The following ARNT2 variants were observed in gnomAD, a reference collection of about 807,000 sequenced individuals.
ARNT2 encodes aryl hydrocarbon receptor nuclear translocator 2.
A neutral mutation model predicts 91.7 loss-of-function variants in ARNT2; 36 were observed. The ratio of observed to expected loss-of-function variants is 0.39; its 90% CI spans 0.30 to 0.52. The LOEUF (loss-of-function observed/expected upper bound fraction) is 0.52. ARNT2 is among the 20% of genes least tolerant of loss of function. The probability of loss-of-function intolerance (pLI) is 0.72; values close to 1 mark genes in which losing one functional copy is unlikely to be tolerated. For synonymous variants in ARNT2, 365 were observed against 347.1 expected (o/e 1.05, Z -0.57); for missense variants, 775 against 939.3 (o/e 0.83, Z 2.29).
chr15:80,496,424 T>A (rs897075184), intron 5 of ARNT2, among the ~76,000 whole-genome samples: 4 of 152,222 alleles, frequency 2.6e-5, no homozygotes, highest in Non-Finnish European at 5.9e-5. Context: ...CTGCACTTGG[T>A]CACTGCTGTG....
rs539564962 is a variant in ARNT2 at position 80,554,458 on chromosome 15, G to T, written c.1090-607G>T. On this transcript the variant is annotated intron_variant, in intron 10 of 18. Transcript: ENST00000303329. ...ATTTTAAAAAATACACTTTTAACTGGACCACTTTACTACAACACTTTTGAA... is the reference window on the plus strand; with the variant it reads ...ATTTTAAAAAATACACTTTTAACTGTACCACTTTACTACAACACTTTTGAA... Among the ~76,000 whole-genome samples the T allele has an allele frequency of 1.7e-4, 26 of 152,172 alleles. No homozygotes were observed. In the East Asian group the frequency reaches 4.8e-3, roughly 28 times the overall value.
At chr15:80,507,120 A>G (rs28397660) in intron 5 of ARNT2, among the ~76,000 whole-genome samples, 77,137 of 151,974 alleles carry the variant, frequency 0.51, 21,067 homozygotes, top group African/African-American at 0.69. Context: ...GCCAGAGAAG[A>G]TCTTTTGCTT....
chr15:80,478,111 A>G (rs868191453), intron 5 of ARNT2, among the ~76,000 whole-genome samples: 4 of 152,344 alleles, frequency 2.6e-5, no homozygotes, highest in Middle Eastern at 3.4e-3. Context: ...CACACCTTAT[A>G]AAGTTAAATA....
chr15:80,443,117 G>A (rs1415274711), intron 1 of ARNT2: 3 of 783,436 alleles, frequency 3.8e-6, no homozygotes, highest in Non-Finnish European at 4.6e-6. Flanking sequence ...TGATATTTGA[G>A]CAAAATCTAA....
rs749930677 is a variant in ARNT2 at position 80,591,680 on chromosome 15, G to A, written c.2031G>A (p.Gln677=). 1.1e-5 allele frequency: 18 copies of A among 1,613,972 alleles called. No individual in the cohort carries two copies. In the East Asian group the frequency reaches 3.6e-4, roughly 32 times the overall value. ...QQSGEQHSHQ[Q]PGQTEVFQDM... is the part of the protein sequence containing the mutation. Reference sequence around the variant, plus strand: ...GCGGTGAGCAGCACTCCCACCAGCAGCCCGGTCAGACTGAAGTGTTCCAGG... The same window carrying A: ...GCGGTGAGCAGCACTCCCACCAGCAACCCGGTCAGACTGAAGTGTTCCAGG... Residue 677 remains glutamine (Q), a synonymous_variant, in exon 18 of 19, where the codon CAG becomes CAA. Coordinates refer to ENST00000303329, the MANE Select transcript of ARNT2 (RefSeq NM_014862.4). The surrounding 1 kb of genome is among the most constrained non-coding windows in gnomAD (Gnocchi z 5.1).
chr15:80,547,164 TCTCATAATAA>T (rs1288348442), intron 8 of ARNT2, among the ~76,000 whole-genome samples: 2 of 152,122 alleles, frequency 1.3e-5, no homozygotes, highest in Non-Finnish European at 2.9e-5. Flanking sequence ...TTAAAACTAT[TCTCATAATAA>T]CACTGAGATG....
chr15:80,494,143 T>G (rs1429655038), intron 5 of ARNT2, among the ~76,000 whole-genome samples: 3 of 152,186 alleles, frequency 2.0e-5, no homozygotes, highest in Non-Finnish European at 4.4e-5. Context: ...CAACACAAAA[T>G]GAACTAAGAC....
At chr15:80,493,420 C>T (rs1027207405) in intron 5 of ARNT2, among the ~76,000 whole-genome samples, 12 of 152,128 alleles carry the variant, frequency 7.9e-5, no homozygotes, top group African/African-American at 2.7e-4. Flanking sequence ...GAGCTGCAGC[C>T]GAGGCAGCCC....
chr15:80,585,279 C>T (rs1898875122), intron 17 of ARNT2, among the ~76,000 whole-genome samples: 1 of 152,122 alleles, frequency 6.6e-6, no homozygotes, highest in South Asian at 2.1e-4. Context: ...ATTACTTAAG[C>T]CCTGAAAAAT....
At chr15:80,581,826 A>G (rs1447380777) in intron 17 of ARNT2, among the ~76,000 whole-genome samples, 1 of 152,216 alleles carries the variant, frequency 6.6e-6, no homozygotes, top group Non-Finnish European at 1.5e-5. Flanking sequence ...AAAAACACCT[A>G]TCTTACTTTG....
intron 8 of ARNT2, among the ~76,000 whole-genome samples, chr15:80,514,736 A>G (rs2141428873): frequency 6.6e-6 from 1 of 152,288 alleles, no homozygotes; most frequent in South Asian, 2.1e-4. Flanking sequence ...AATACAAAAA[A>G]TTAGCTGGGC....
At chr15:80,476,485 T>C (rs554482454) in intron 5 of ARNT2, among the ~76,000 whole-genome samples, 2 of 152,380 alleles carry the variant, frequency 1.3e-5, no homozygotes, top group South Asian at 4.1e-4. Context: ...AGAAGCATTA[T>C]ACCAAAATAT....
chr15:80,486,920 G>A (rs778003281), intron 5 of ARNT2, among the ~76,000 whole-genome samples: 2 of 152,126 alleles, frequency 1.3e-5, no homozygotes, highest in Admixed American at 6.5e-5. Context: ...TTGCTGTATC[G>A]ATTCCTCTGC....
chr15:80,509,629 G>A (rs544000080), intron 6 of ARNT2, among the ~76,000 whole-genome samples: 1 of 152,248 alleles, frequency 6.6e-6, no homozygotes, highest in East Asian at 1.9e-4. Flanking sequence ...GTAGGAAATA[G>A]CAGATTTCGT....
chr15:80,516,609 T>C (rs1426784926), intron 8 of ARNT2, among the ~76,000 whole-genome samples: 1 of 151,916 alleles, frequency 6.6e-6, no homozygotes, highest in South Asian at 2.1e-4. Flanking sequence ...TCTAGTTTTT[T>C]AATCCACTCC....
chr15:80,537,084 C>T (rs942500211), intron 8 of ARNT2, among the ~76,000 whole-genome samples: 8 of 152,154 alleles, frequency 5.3e-5, no homozygotes, highest in African/African-American at 9.7e-5. Flanking sequence ...GCACTCTTTT[C>T]GCAGGCTCTG....
intron 12 of ARNT2, among the ~76,000 whole-genome samples, chr15:80,567,311 A>C (rs77606283): frequency 3.0e-5 from 4 of 135,146 alleles, no homozygotes; most frequent in African/African-American, 1.1e-4. Context: ...TCTGTTCAAG[A>C]CATAGCTTTA....
rs753150944 is a variant in ARNT2, at chr15:80,513,969, A to C, written c.784A>C (p.Arg262=). ...AAACAGAATAACCACCATGAGGAAA[A>C]GGTTCAGGTCAGTATCTCTTCCGAT... is the stretch of plus-strand genomic sequence containing the variant. ...PLNRITTMRK[R]FRNGLGPVKE... Residue 262 remains arginine (R), a synonymous_variant, in exon 7 of 19, where the codon AGG becomes CGG. Coordinates refer to ENST00000303329, the MANE Select transcript of ARNT2 (RefSeq NM_014862.4). 3 of 1,612,784 alleles carry C rather than the reference A, an allele frequency of 1.9e-6. No homozygotes were observed. In the East Asian group the frequency reaches 6.7e-5, roughly 36 times the overall value.
chr15:80,471,083 T>C (rs1336862201), intron 4 of ARNT2, among the ~76,000 whole-genome samples: 1 of 152,264 alleles, frequency 6.6e-6, no homozygotes, highest in Non-Finnish European at 1.5e-5. Context: ...CTTACGTATG[T>C]TCATTGCAGC....
Sources: gnomAD v4.1 joint callset for allele counts (sites outside exome capture counted in the v4.1 genomes callset) on GRCh38, gnomAD v4.1.1 for gene constraint, Gnocchi (gnomAD v3.1) non-coding constraint, MANE v1.5 for transcripts, NCBI Gene and HGNC (gene_info 2026-07-23, HGNC 2026-07-21) for gene names.